The following MAPRE2 variants were observed in gnomAD, a reference collection of about 807,000 sequenced individuals.
The protein encoded by MAPRE2 is microtubule associated protein RP/EB family member 2.
MAPRE2 carries 13 observed loss-of-function variants against 43.2 expected under a neutral mutation model. The observed-to-expected ratio is 0.30, with a 90% CI of 0.20 to 0.48. MAPRE2 has a LOEUF of 0.48. Among genes scored for constraint, MAPRE2 ranks in the 20% least tolerant of loss-of-function variants. The probability of loss-of-function intolerance (pLI) is 0.99; values close to 1 mark genes in which losing one functional copy is unlikely to be tolerated. For synonymous variants in MAPRE2, 135 were observed against 148.8 expected, an observed-to-expected ratio of 0.91 and a Z score of 0.68; for missense variants, 161 against 400.2, an observed-to-expected ratio of 0.40 and a Z score of 5.10.
At chr18:35,128,546 T>C (rs1910007001) in intron 5 of MAPRE2, among the ~76,000 whole-genome samples, 1 of 152,224 alleles carries the variant, frequency 6.6e-6, no homozygotes. Flanking sequence ...TATTAGGTAT[T>C]ATAAGTAATG....
chr18:35,122,735 C>T (rs1161533669), intron 4 of MAPRE2, among the ~76,000 whole-genome samples: 1 of 152,184 alleles, frequency 6.6e-6, no homozygotes, highest in Non-Finnish European at 1.5e-5. Flanking sequence ...CCTCTCTCAT[C>T]TCAAAGGGAT....
rs891702180 is a variant in MAPRE2 at position 35,140,989 on chromosome 18, C to G, written c.*620C>G. The G allele has an allele frequency of 1.3e-5, 2 of 152,300 alleles. No individual in the cohort carries two copies. Among genetic ancestry groups the G allele is most frequent in the Non-Finnish European group, 2.9e-5 (2 of 68,152 alleles). The allele number at this position is 152,300 out of a possible 1,614,324, so 9.4% of individuals were successfully genotyped here. A position where few individuals can be genotyped will look rare whatever the true frequency, so the allele number is the denominator to read the frequency against. On this transcript the variant is annotated 3_prime_UTR_variant, in exon 7 of 7. Coordinates refer to ENST00000300249, the MANE Select transcript of MAPRE2 (RefSeq NM_014268.4). ...GATTCAAAGCTAGGATTTCAGGGCCCAGCAGTGTTCCTCCATCAGCATGTT... is the reference window on the plus strand; with the variant it reads ...GATTCAAAGCTAGGATTTCAGGGCCGAGCAGTGTTCCTCCATCAGCATGTT...
At chr18:35,140,047 TGCCTAAA>T (rs1910558911) in intron 6 of MAPRE2, among the ~76,000 whole-genome samples, 1 of 152,196 alleles carries the variant, frequency 6.6e-6, no homozygotes, top group African/African-American at 2.4e-5. Context: ...AATAGTTGGG[TGCCTAAA>T]GCCTGACGAC....
chr18:34,989,227 T>A (rs1257732233), intron 1 of MAPRE2, among the ~76,000 whole-genome samples: 1 of 152,252 alleles, frequency 6.6e-6, no homozygotes, highest in African/African-American at 2.4e-5. Flanking sequence ...GTAAAGTTCT[T>A]CTTGTCTGTA....
intron 1 of MAPRE2, among the ~76,000 whole-genome samples, chr18:35,066,683 C>T (rs11872124): frequency 2.8e-4 from 42 of 152,324 alleles, no homozygotes; most frequent in African/African-American, 9.6e-4. Context: ...GAATAGAATC[C>T]TTTTTCCACT....
chr18:35,140,061 C>T (rs527430424), intron 6 of MAPRE2, among the ~76,000 whole-genome samples: 7 of 152,326 alleles, frequency 4.6e-5, no homozygotes, highest in East Asian at 3.9e-4. Context: ...TAAAGCCTGA[C>T]GACTGTGCTT....
In MAPRE2 at chr18:35,057,216, C is replaced by T. The variant is rs558367342; in HGVS notation, c.123-12979C>T. Among the ~76,000 whole-genome samples the T allele has an allele frequency of 1.1e-4, 16 of 152,094 alleles. No homozygotes were observed. In the East Asian group the frequency reaches 2.3e-3, roughly 22 times the overall value. On this transcript the variant is annotated intron_variant, in intron 1 of 6. Coordinates refer to ENST00000300249, the MANE Select transcript of MAPRE2 (RefSeq NM_014268.4). ...TTTTAGTAGAGATGGGGTTTCTCCACGTTGGCCAGGCTGGTCTCGAACTCC... is the reference window on the plus strand; with the variant it reads ...TTTTAGTAGAGATGGGGTTTCTCCATGTTGGCCAGGCTGGTCTCGAACTCC...
chr18:34,985,310 ATTATATT>A, intron 1 of MAPRE2, among the ~76,000 whole-genome samples: 2 of 42,712 alleles, frequency 4.7e-5, no homozygotes. Context: ...TATTGTATAT[ATTATATT>A]ATATATATAA....
chr18:35,027,985 A>G (rs2097046144), intron 2 of MAPRE2, among the ~76,000 whole-genome samples: 1 of 152,166 alleles, frequency 6.6e-6, no homozygotes, highest in African/African-American at 2.4e-5. Flanking sequence ...GAGTAGCTAG[A>G]CTTCTCACAG....
chr18:35,118,626 C>G (rs967333771), intron 4 of MAPRE2, among the ~76,000 whole-genome samples: 19 of 152,182 alleles, frequency 1.2e-4, no homozygotes, highest in Non-Finnish European at 2.8e-4. Flanking sequence ...CCCTCAGCCT[C>G]CCTGGTCTGT....
chr18:34,995,804 G>T (rs991396108), intron 1 of MAPRE2, among the ~76,000 whole-genome samples: 1 of 151,838 alleles, frequency 6.6e-6, no homozygotes. Context: ...TTTACCAAGC[G>T]CATGTTAATC....
chr18:34,998,772 A>ATTTTATTTTTTTTTT (rs2097027862), intron 1 of MAPRE2, among the ~76,000 whole-genome samples: 4 of 93,732 alleles, frequency 4.3e-5, no homozygotes, highest in African/African-American at 2.0e-4. Flanking sequence ...CGAAGTTGCA[A>ATTTTATTTTTTTTTT]TTTTTTTTTT....
intron 1 of MAPRE2, among the ~76,000 whole-genome samples, chr18:34,989,621 G>A (rs2097022737): frequency 6.6e-6 from 1 of 152,130 alleles, no homozygotes; most frequent in Non-Finnish European, 1.5e-5. Context: ...TGAGGCAGGA[G>A]GATCACTTGA....
chr18:35,080,997 G>A (rs750813306), intron 2 of MAPRE2, among the ~76,000 whole-genome samples: 4 of 152,156 alleles, frequency 2.6e-5, no homozygotes, highest in African/African-American at 9.7e-5. Context: ...CCTGTTTCCT[G>A]CAGTTTCTCT....
chr18:35,139,798 C>T (rs991501177), intron 6 of MAPRE2, among the ~76,000 whole-genome samples: 3 of 152,116 alleles, frequency 2.0e-5, no homozygotes, highest in African/African-American at 7.2e-5. Context: ...CACTGCCGAG[C>T]AAGAAGAATG....
intron 1 of MAPRE2, among the ~76,000 whole-genome samples, chr18:35,000,269 T>C (rs2097028652): frequency 6.6e-6 from 1 of 152,230 alleles, no homozygotes; most frequent in South Asian, 2.1e-4. Context: ...GAGGTAGTAA[T>C]GCTGTCTCTT....
At chr18:35,012,469 C>T (rs1241456440) in intron 2 of MAPRE2, among the ~76,000 whole-genome samples, 2 of 152,138 alleles carry the variant, frequency 1.3e-5, no homozygotes, top group Non-Finnish European at 2.9e-5. Context: ...CAGCAGCATT[C>T]ACAGTCGCCA....
intron 4 of MAPRE2, among the ~76,000 whole-genome samples, chr18:35,109,707 T>C (rs986515054): frequency 2.0e-5 from 3 of 152,174 alleles, no homozygotes; most frequent in Admixed American, 2.0e-4. Context: ...AATTTCTGCC[T>C]GTCTTTGTCT....
In MAPRE2 at chr18:35,070,531, G is replaced by A. The variant is rs1191963142; in HGVS notation, c.250+209G>A. 3.0e-5 allele frequency: 11 copies of A among 365,684 alleles called. No individual in the cohort carries two copies. The South Asian group carries it at 3.7e-4, about 12-fold the overall frequency. 22.7% of individuals were successfully genotyped at this position (365,684 alleles called of 1,614,324 possible). On this transcript the variant is annotated intron_variant, in intron 2 of 6. Coordinates refer to ENST00000300249, the MANE Select transcript of MAPRE2 (RefSeq NM_014268.4). ...TCCAGGAGCACAAGCAGAGCCACAC[G>A]GACACGTATTGGAAAGGTCTCTTGC...
Sources: allele counts gnomAD v4.1 joint callset (sites outside exome capture counted in the v4.1 genomes callset), GRCh38; gene constraint gnomAD v4.1.1; transcripts MANE v1.5; gene names NCBI Gene and HGNC (gene_info 2026-07-23, HGNC 2026-07-21).